Variants in CDH11 observed in about 807,000 individuals in gnomAD.
CDH11 encodes cadherin 11, also known as cadherin-11.
A neutral mutation model predicts 67.8 loss-of-function variants in CDH11; 11 were observed. The ratio of observed to expected loss-of-function variants is 0.16; its 90% CI spans 0.10 to 0.27. CDH11 has a LOEUF of 0.27. Among genes scored for constraint, CDH11 ranks in the 10% least tolerant of loss-of-function variants. The pLI is 1.00. For missense variants in CDH11, 847 were observed against 1,031.2 expected, an observed-to-expected ratio of 0.82 and a Z score of 2.45; for synonymous variants, 419 against 400.0, an observed-to-expected ratio of 1.05 and a Z score of -0.57.
intron 8 of CDH11, among the ~76,000 whole-genome samples, chr16:64,978,157 C>T (rs2142445706): frequency 6.6e-6 from 1 of 152,348 alleles, no homozygotes; most frequent in African/African-American, 2.4e-5. Context: ...GTCATCACTT[C>T]TATCACGCCT....
At chr16:65,089,311 A>G (rs1309034423) in intron 1 of CDH11, among the ~76,000 whole-genome samples, 3 of 152,174 alleles carry the variant, frequency 2.0e-5, no homozygotes, top group Non-Finnish European at 4.4e-5. Flanking sequence ...TCATAGCAAA[A>G]AGGAAAAAGA....
chr16:65,075,060 T>G (rs1223029404), intron 1 of CDH11, among the ~76,000 whole-genome samples: 1 of 152,198 alleles, frequency 6.6e-6, no homozygotes, highest in East Asian at 1.9e-4. Context: ...CTGGCAAACA[T>G]AAGCAGGCTG....
At chr16:65,083,778 G>T (rs191363422) in intron 1 of CDH11, among the ~76,000 whole-genome samples, 2 of 152,206 alleles carry the variant, frequency 1.3e-5, no homozygotes, top group Admixed American at 1.3e-4. Context: ...CCAGAGGGAA[G>T]TCCCCATGCC....
At chr16:65,097,090 T>C (rs940572436) in intron 1 of CDH11, among the ~76,000 whole-genome samples, 2 of 152,142 alleles carry the variant, frequency 1.3e-5, no homozygotes, top group African/African-American at 2.4e-5. Flanking sequence ...ACCTTTTATC[T>C]GGTTGTTTTA....
intron 2 of CDH11, among the ~76,000 whole-genome samples, chr16:65,013,533 G>A (rs1046689233): frequency 6.6e-6 from 1 of 152,084 alleles, no homozygotes; most frequent in Non-Finnish European, 1.5e-5. Context: ...TGTTAAAAAT[G>A]GGAAAAACCC....
intron 11 of CDH11, among the ~76,000 whole-genome samples, chr16:64,969,815 T>G (rs763709999): frequency 6.6e-6 from 1 of 152,226 alleles, no homozygotes; most frequent in Non-Finnish European, 1.5e-5. Context: ...TGCCTGAGTT[T>G]CCTTGTTTTG....
chr16:65,045,167 AT>A (rs2073933231), intron 2 of CDH11, among the ~76,000 whole-genome samples: 1 of 151,588 alleles, frequency 6.6e-6, no homozygotes, highest in Admixed American at 6.6e-5. Context: ...TCAAGCAGAA[AT>A]TCTGAAAAGT....
chr16:65,004,960 G>A lies in CDH11; in HGVS notation c.-91C>T, dbSNP rs1333394706. 14 of 1,436,758 alleles carry A rather than the reference G, an allele frequency of 9.7e-6. No individual in the cohort carries two copies. The highest frequency in any genetic ancestry group is 3.0e-5 in the South Asian group (2 of 66,816). 89.0% of individuals were successfully genotyped at this position (1,436,758 alleles called of 1,614,324 possible). On this transcript the variant is annotated 5_prime_UTR_variant, in exon 3 of 13. The change creates a new upstream start codon in the 5' untranslated region. Coordinates refer to ENST00000268603, the MANE Select transcript of CDH11 (RefSeq NM_001797.4). ...TTGCTGAGGGTGGCCTCCCGGACGCGTCACGCAGACCTCTCTTGGGATGGA... is the reference window on the plus strand; with the variant it reads ...TTGCTGAGGGTGGCCTCCCGGACGCATCACGCAGACCTCTCTTGGGATGGA...
chr16:65,025,245 C>A (rs1341987646), intron 2 of CDH11, among the ~76,000 whole-genome samples: 2 of 152,158 alleles, frequency 1.3e-5, no homozygotes, highest in East Asian at 1.9e-4. Context: ...AATGGGGAAA[C>A]CCTTTGTAAA....
At chr16:65,040,677 G>A (rs1416607754) in intron 2 of CDH11, among the ~76,000 whole-genome samples, 3 of 152,146 alleles carry the variant, frequency 2.0e-5, no homozygotes, top group Admixed American at 2.0e-4. Flanking sequence ...TGCACGTTGT[G>A]CACATGTACC....
chr16:65,057,435 A>G (rs2074162552), intron 1 of CDH11, among the ~76,000 whole-genome samples: 2 of 152,206 alleles, frequency 1.3e-5, no homozygotes, highest in Admixed American at 1.3e-4. Flanking sequence ...AGGGGCTCAG[A>G]CAGTACATGC....
At chr16:65,049,513 A>AATGT (rs1223468551) in intron 2 of CDH11, among the ~76,000 whole-genome samples, 1 of 152,168 alleles carries the variant, frequency 6.6e-6, no homozygotes, top group Non-Finnish European at 1.5e-5. Flanking sequence ...CAAGATAATA[A>AATGT]ATGTAAAGCA....
At chr16:65,062,544 A>G (rs913100781) in intron 1 of CDH11, among the ~76,000 whole-genome samples, 2 of 152,214 alleles carry the variant, frequency 1.3e-5, no homozygotes, top group Admixed American at 6.5e-5. Context: ...GAAAGAAACA[A>G]AATCAGGTTT....
At chr16:64,997,923 T>A (rs2072815010) in intron 4 of CDH11, among the ~76,000 whole-genome samples, 1 of 152,208 alleles carries the variant, frequency 6.6e-6, no homozygotes, top group South Asian at 2.1e-4. Context: ...TTTCTTAATA[T>A]GAGGAATGTT....
chr16:64,974,015 C>T (rs140031308), intron 8 of CDH11, among the ~76,000 whole-genome samples: 493 of 152,106 alleles, frequency 3.2e-3, no homozygotes, highest in Admixed American at 6.5e-3. Flanking sequence ...TTTAGTTACT[C>T]CCACCCACTA....
At chr16:65,030,251 A>C (rs2142616418) in intron 2 of CDH11, among the ~76,000 whole-genome samples, 1 of 152,322 alleles carries the variant, frequency 6.6e-6, no homozygotes, top group Admixed American at 6.5e-5. Context: ...AGATTCAAAT[A>C]AACAGCAATA....
chr16:65,054,485 A>G (rs1057368142), intron 1 of CDH11, among the ~76,000 whole-genome samples: 7 of 152,112 alleles, frequency 4.6e-5, no homozygotes, highest in Non-Finnish European at 1.0e-4. Flanking sequence ...TCAAGATTGC[A>G]TTTCCCCTAC....
intron 2 of CDH11, among the ~76,000 whole-genome samples, chr16:65,048,532 C>CGTGT (rs144059846): frequency 0.068 from 10,268 of 150,492 alleles, 1,181 homozygotes; most frequent in African/African-American, 0.24. Context: ...GAAAATGTGG[C>CGTGT]GTGTGTGTGT....
At chr16:65,112,911 G>T (rs188720523) in intron 1 of CDH11, among the ~76,000 whole-genome samples, 6 of 152,156 alleles carry the variant, frequency 3.9e-5, no homozygotes, top group African/African-American at 4.8e-5. Flanking sequence ...ATCAGAGGGC[G>T]CAGCTTTACA....
Sources: allele counts gnomAD v4.1 joint callset (sites outside exome capture counted in the v4.1 genomes callset), GRCh38; gene constraint gnomAD v4.1.1; transcripts MANE v1.5; gene names NCBI Gene and HGNC (gene_info 2026-07-23, HGNC 2026-07-21).